SEC14L6: variants seen among roughly 807,000 people sequenced by gnomAD.
SEC14L6 encodes the protein SEC14 like lipid binding 6.
SEC14L6 carries 40 observed loss-of-function variants against 54.1 expected under a neutral mutation model. The ratio of observed to expected loss-of-function variants is 0.74; its 90% CI spans 0.57 to 0.96. The LOEUF (loss-of-function observed/expected upper bound fraction) is 0.96, where lower values mean the gene tolerates loss of function less well. SEC14L6 is among the 40% of genes least tolerant of loss of function. The pLI is 0.00. For synonymous variants in SEC14L6, 171 were observed against 198.4 expected (o/e 0.86, Z 1.16); for missense variants, 471 against 498.3 (o/e 0.95, Z 0.52).
At chr22:30,531,881 GC>G (rs1469129648) in intron 6 of SEC14L6, 21 bp downstream of exon 6, 1 of 1,522,982 alleles carries the variant, frequency 6.6e-7, no homozygotes, top group African/African-American at 1.4e-5. Context: ...ACCCACCCAT[GC>G]CCCTGGCGGG....
At chr22:30,537,869 C>A (rs1170619534) in intron 2 of SEC14L6, among the ~76,000 whole-genome samples, 1 of 152,196 alleles carries the variant, frequency 6.6e-6, no homozygotes, top group African/African-American at 2.4e-5. Flanking sequence ...AGCCAAACTC[C>A]TCTGCTTGAC....
At chr22:30,541,018 CA>C (rs11443760) in intron 1 of SEC14L6, among the ~76,000 whole-genome samples, 23 of 142,816 alleles carry the variant, frequency 1.6e-4, no homozygotes, top group Middle Eastern at 3.6e-3. Context: ...GACTACATCT[CA>C]AAAAAAAAAA....
At chr22:30,542,470 G>A (rs2085736973) in intron 1 of SEC14L6, 2 of 563,514 alleles carry the variant, frequency 3.5e-6, no homozygotes, top group Non-Finnish European at 5.8e-6. Flanking sequence ...GCTGACCTCA[G>A]AAAAACAAGT....
intron 8 of SEC14L6, among the ~76,000 whole-genome samples, chr22:30,528,484 C>T (rs1936856824): frequency 1.4e-5 from 2 of 140,450 alleles, no homozygotes; most frequent in Non-Finnish European, 3.0e-5. Context: ...AGTTTAGTGG[C>T]GTGTTCTCAG....
rs766068574 is a variant in SEC14L6, at chr22:30,532,868, C to T, written c.175-12G>A. The T allele has an allele frequency of 1.2e-4, 186 of 1,612,428 alleles. No individual in the cohort carries two copies. In the Middle Eastern group the frequency reaches 1.2e-3, roughly 10 times the overall value. ...CGGAACTCCATATGCTGCAGAGACACGGCAGGAGGTGGTGAAGATTCTGCC... is the reference window on the plus strand; with the variant it reads ...CGGAACTCCATATGCTGCAGAGACATGGCAGGAGGTGGTGAAGATTCTGCC... On this transcript the variant is annotated splice_polypyrimidine_tract_variant and intron_variant, in intron 3 of 11. Transcript: ENST00000402034.
chr22:30,541,203 T>TTG (rs1568974968), intron 1 of SEC14L6, among the ~76,000 whole-genome samples: 17 of 151,518 alleles, frequency 1.1e-4, no homozygotes, highest in South Asian at 2.1e-4. Context: ...TAAAAAAATT[T>TTG]TTATTTATTT....
intron 1 of SEC14L6, chr22:30,542,726 C>CTCTG: frequency 6.8e-7 from 1 of 1,467,458 alleles, no homozygotes; most frequent in Non-Finnish European, 9.5e-7. Context: ...GAGTCGGCCG[C>CTCTG]TCTGCAGTGC....
rs548131940 is a variant in SEC14L6, at chr22:30,522,942, T to C, written c.*2055A>G. 1 of 152,256 alleles carries C rather than the reference T, an allele frequency of 6.6e-6. No individual in the cohort carries two copies. Among genetic ancestry groups the C allele is most frequent in the East Asian group, 1.9e-4 (1 of 5,194 alleles). The allele number at this position is 152,256 out of a possible 1,614,324, so 9.4% of individuals were successfully genotyped here. A position where few individuals can be genotyped will look rare whatever the true frequency, so the allele number is the denominator to read the frequency against. ...CGAAAAGCAACTAAATATTAACACA[T>C]GCAACAAAGTGAATGAATCTCAGAG... is the stretch of plus-strand genomic sequence containing the variant. On this transcript the variant is annotated 3_prime_UTR_variant, in exon 12 of 12. Transcript: ENST00000402034.
rs551502362 is a variant in SEC14L6 at position 30,543,862 on chromosome 22, C to G, written c.54+2767G>C. 1.1e-4 allele frequency: 163 copies of G among 1,539,264 alleles called. 1 individual carries two copies. The African/African-American group carries it at 2.0e-3, about 19-fold the overall frequency. ...CACAAATGATATCACATATGCGGAC[C>G]TGAACCTGCCCAAGGGGAAGAAGCC... On this transcript the variant is annotated intron_variant, in intron 1 of 11. Coordinates refer to ENST00000402034, the MANE Select transcript of SEC14L6 (RefSeq NM_001193336.4).
rs927656358 is a variant in SEC14L6, at chr22:30,534,042, G to A, written c.131-3C>T. 4 of 1,550,688 alleles carry A rather than the reference G, an allele frequency of 2.6e-6. No homozygotes were observed. Among genetic ancestry groups the A allele is most frequent in the African/African-American group, 1.4e-5 (1 of 73,056 alleles). ...TTTCTGCAGGTCAAAGCTCCGAGCTGCAACAAGAGACAGGGTTATGGTTGT... is the reference window on the plus strand; with the variant it reads ...TTTCTGCAGGTCAAAGCTCCGAGCTACAACAAGAGACAGGGTTATGGTTGT... On this transcript the variant is annotated splice_region_variant and splice_polypyrimidine_tract_variant and intron_variant, in intron 2 of 11. Transcript: ENST00000402034.
intron 2 of SEC14L6, among the ~76,000 whole-genome samples, chr22:30,535,777 C>T (rs1251026152): frequency 1.3e-5 from 2 of 152,100 alleles, no homozygotes; most frequent in Non-Finnish European, 2.9e-5. Context: ...GTGGCACAAC[C>T]ATAGCTTACT....
chr22:30,542,458 G>C (rs1021552070), intron 1 of SEC14L6: 2 of 526,898 alleles, frequency 3.8e-6, no homozygotes, highest in Non-Finnish European at 6.4e-6. Flanking sequence ...CCAGCTCGCA[G>C]CGCTGACCTC....
chr22:30,540,762 T>C (rs1462056930), intron 1 of SEC14L6, among the ~76,000 whole-genome samples: 1 of 150,428 alleles, frequency 6.6e-6, no homozygotes, highest in Non-Finnish European at 1.5e-5. Context: ...CTCATACCTG[T>C]AATCCCAGAA....
chr22:30,532,734 C>T (rs769718239), intron 4 of SEC14L6, 21 bp from the exon 5 acceptor site: 30 of 1,587,834 alleles, frequency 1.9e-5, no homozygotes, highest in Non-Finnish European at 2.3e-5. Flanking sequence ...ACACAGGAGA[C>T]GGGGGTTCAG....
chr22:30,536,600 A>G (rs572486446), intron 2 of SEC14L6, among the ~76,000 whole-genome samples: 1 of 152,344 alleles, frequency 6.6e-6, no homozygotes, highest in East Asian at 1.9e-4. Context: ...ACCTGCTAGC[A>G]TAGCGACCTT....
chr22:30,537,143 A>G (rs576167227), intron 2 of SEC14L6, among the ~76,000 whole-genome samples: 69 of 152,194 alleles, frequency 4.5e-4, no homozygotes, highest in Non-Finnish European at 9.4e-4. Flanking sequence ...CTCCAAGATG[A>G]CCATCAGTGA....
At position 30,525,055 on chromosome 22, in the gene SEC14L6, T is replaced by C. The variant is rs1052293351; in HGVS notation, c.1136A>G (p.Tyr379Cys). Residue 379 changes from tyrosine to cysteine, a missense_variant, in exon 12 of 12, where the codon TAC becomes TGC. Tyr to Cys is a radical substitution (Grantham distance 194). Transcript: ENST00000402034. The stretch of plus-strand genomic sequence containing the variant: ...GTCTGGGAGCAGTACCTCCACGGTG[T>C]AGCTGATGCGTTTAGAATGAACCAG... ...YSLVHSKRIS[Y>C]TVEVLLPDQT... 2.6e-6 allele frequency: 4 copies of C among 1,549,910 alleles called. No individual in the cohort carries two copies. The African/African-American group carries it at 4.1e-5, about 16-fold the overall frequency.
intron 1 of SEC14L6, chr22:30,543,224 GCGGGGACATTCACTCT>G: frequency 1.2e-6 from 2 of 1,602,366 alleles, no homozygotes; most frequent in Non-Finnish European, 1.7e-6. Context: ...GTGCTGACCC[GCGGGGACATTCACTCT>G]CAAGTCATCT....
rs1336341096 is a variant in SEC14L6 at position 30,524,059 on chromosome 22, TA to T, written c.*937del. ...CTGCTGTAATCACCCCAGGGCAAGA[TA>T]CCAGACAGCTAGTGACAGCCCTTAT... On this transcript the variant is annotated 3_prime_UTR_variant, in exon 12 of 12. Coordinates refer to ENST00000402034, the MANE Select transcript of SEC14L6 (RefSeq NM_001193336.4). 1 of 152,252 alleles carries T rather than the reference TA, an allele frequency of 6.6e-6. No individual in the cohort carries two copies. Among genetic ancestry groups the T allele is most frequent in the African/African-American group, 2.4e-5 (1 of 41,458 alleles). The allele number at this position is 152,252 out of a possible 1,614,324, so 9.4% of individuals were successfully genotyped here.
Sources: gnomAD v4.1 joint callset for allele counts (sites outside exome capture counted in the v4.1 genomes callset) on GRCh38, gnomAD v4.1.1 for gene constraint, MANE v1.5 for transcripts, NCBI Gene and HGNC (gene_info 2026-07-23, HGNC 2026-07-21) for gene names.